Variants in CNBD1 observed in about 807,000 individuals in gnomAD.
The protein encoded by CNBD1 is cyclic nucleotide-binding domain-containing protein 1.
CNBD1 carries 71 observed loss-of-function variants against 54.4 expected under a neutral mutation model. The observed-to-expected ratio is 1.30, with a 90% CI of 1.08 to 1.59. The LOEUF (loss-of-function observed/expected upper bound fraction) is 1.59. CNBD1 is among the 40% of genes most tolerant of loss of function. The probability of loss-of-function intolerance (pLI) is 0.00; values close to 1 mark genes in which losing one functional copy is unlikely to be tolerated. For synonymous variants in CNBD1, 182 were observed against 170.7 expected (o/e 1.07, Z -0.51); for missense variants, 659 against 518.0 (o/e 1.27, Z -2.64).
At chr8:86,933,474 G>A (rs999427834) in intron 3 of CNBD1, among the ~76,000 whole-genome samples, 1 of 152,046 alleles carries the variant, frequency 6.6e-6, no homozygotes, top group Non-Finnish European at 1.5e-5. Context: ...AGAAAAGCAA[G>A]TTACAGAATC....
intron 2 of CNBD1, among the ~76,000 whole-genome samples, chr8:87,406,347 C>T (rs1807652184): frequency 6.6e-6 from 1 of 151,676 alleles, no homozygotes; most frequent in Non-Finnish European, 1.5e-5. Flanking sequence ...AGTAAGTTTG[C>T]ATTAACCACA....
At chr8:87,348,262 ATATT>A (rs1586035244) in intron 8 of CNBD1, among the ~76,000 whole-genome samples, 1 of 152,176 alleles carries the variant, frequency 6.6e-6, no homozygotes, top group African/African-American at 2.4e-5. Context: ...AATGCTATCT[ATATT>A]TATCTGCAAA....
Position 87,329,107 on chromosome 8 carries a change from T to C in CNBD1, c.1043-22578T>C, listed in dbSNP as rs146431160. Among the ~76,000 whole-genome samples the C allele has an allele frequency of 3.3e-5, 5 of 152,210 alleles. No homozygotes were observed. In the East Asian group the frequency reaches 9.6e-4, roughly 29 times the overall value. On this transcript the variant is annotated intron_variant, in intron 8 of 10. Coordinates refer to ENST00000518476, the MANE Select transcript of CNBD1 (RefSeq NM_173538.3). The stretch of plus-strand genomic sequence containing the variant: ...TTTGAGTTAATTTTTGTGAAAAGTA[T>C]ATGGTCTTTGTCTATATTCGCTCTT...
chr8:87,076,711 G>A (rs1810881365), intron 4 of CNBD1, among the ~76,000 whole-genome samples: 1 of 151,990 alleles, frequency 6.6e-6, no homozygotes, highest in Non-Finnish European at 1.5e-5. Context: ...CAAAGTGCTG[G>A]GATTACAGGC....
At chr8:87,256,007 ATATATATATTTTTTTTT>A (rs1808011718) in intron 6 of CNBD1, among the ~76,000 whole-genome samples, 1 of 19,800 alleles carries the variant, frequency 5.1e-5, no homozygotes, top group African/African-American at 2.7e-4. Flanking sequence ...ATATATATAT[ATATATATATTTTTTTTT>A]TTTTTTTTTT....
chr8:86,981,911 T>C (rs1447047719), intron 4 of CNBD1, among the ~76,000 whole-genome samples: 1 of 152,212 alleles, frequency 6.6e-6, no homozygotes, highest in African/African-American at 2.4e-5. Context: ...TTCACAGTTG[T>C]ACTCTGGGTT....
chr8:87,348,086 G>A (rs1325542460), intron 8 of CNBD1, among the ~76,000 whole-genome samples: 1 of 151,980 alleles, frequency 6.6e-6, no homozygotes, highest in East Asian at 1.9e-4. Context: ...CAAGTGACAG[G>A]TACTTAATAT....
At chr8:87,224,269 G>T (rs1304195074) in intron 5 of CNBD1, among the ~76,000 whole-genome samples, 1 of 149,788 alleles carries the variant, frequency 6.7e-6, no homozygotes, top group Non-Finnish European at 1.5e-5. Flanking sequence ...TGTCAATTTT[G>T]TCTTTTGTTG....
intron 8 of CNBD1, among the ~76,000 whole-genome samples, chr8:87,327,698 T>A (rs1809713343): frequency 6.6e-6 from 1 of 152,142 alleles, no homozygotes; most frequent in African/African-American, 2.4e-5. Context: ...CTGCGCCCAC[T>A]GTCTGGCACT....
chr8:86,871,800 C>G (rs1808446906), intron 1 of CNBD1, among the ~76,000 whole-genome samples: 1 of 152,220 alleles, frequency 6.6e-6, no homozygotes, highest in Admixed American at 6.5e-5. Context: ...GCATCCCACA[C>G]AGCCAGCCCT....
intron 8 of CNBD1, among the ~76,000 whole-genome samples, chr8:87,301,961 AC>A (rs1809006808): frequency 6.6e-6 from 1 of 152,168 alleles, no homozygotes; most frequent in Admixed American, 6.5e-5. Flanking sequence ...CTCTGAATAG[AC>A]CAATAACAGG....
chr8:87,391,617 A>G (rs1042149596), intron 2 of CNBD1, among the ~76,000 whole-genome samples: 1 of 152,066 alleles, frequency 6.6e-6, no homozygotes, highest in African/African-American at 2.4e-5. Flanking sequence ...TTTTCAACAA[A>G]TCATGCTGGG....
chr8:87,103,540 C>T (rs762061274), intron 4 of CNBD1, among the ~76,000 whole-genome samples: 6 of 152,112 alleles, frequency 3.9e-5, no homozygotes, highest in Admixed American at 1.3e-4. Context: ...CTTACAGTCA[C>T]GGCAGAAGGG....
At chr8:87,379,108 A>G (rs1811017949) in intron 10 of CNBD1, among the ~76,000 whole-genome samples, 1 of 151,650 alleles carries the variant, frequency 6.6e-6, no homozygotes, top group Admixed American at 6.6e-5. Flanking sequence ...AAACAGGGAC[A>G]ATTTGACTTC....
chr8:87,092,433 G>T (rs927374469), intron 4 of CNBD1, among the ~76,000 whole-genome samples: 5 of 143,434 alleles, frequency 3.5e-5, no homozygotes, highest in Non-Finnish European at 1.5e-5. Context: ...ATGTATGTAT[G>T]TGTGTGTGTA....
chr8:87,273,410 A>C (rs1249894987), intron 6 of CNBD1, among the ~76,000 whole-genome samples: 1 of 151,952 alleles, frequency 6.6e-6, no homozygotes, highest in Non-Finnish European at 1.5e-5. Flanking sequence ...CTGAACAGAA[A>C]AGGGAGACTG....
At chr8:86,882,778 C>A (rs1808623770) in intron 1 of CNBD1, among the ~76,000 whole-genome samples, 1 of 152,150 alleles carries the variant, frequency 6.6e-6, no homozygotes, top group African/African-American at 2.4e-5. Context: ...CCTAAATGCC[C>A]ATCAATGATA....
chr8:86,974,671 A>G (rs1302122793), intron 4 of CNBD1, among the ~76,000 whole-genome samples: 2 of 152,150 alleles, frequency 1.3e-5, no homozygotes, highest in Non-Finnish European at 2.9e-5. Context: ...AATAATGTGC[A>G]ACATGATTCC....
At chr8:87,416,898 A>G (rs1481267693) in intron 2 of CNBD1, among the ~76,000 whole-genome samples, 9 of 152,074 alleles carry the variant, frequency 5.9e-5, no homozygotes, top group African/African-American at 2.2e-4. Flanking sequence ...ATTCTGCACC[A>G]TGTAAAAAGG....
Sources: allele counts gnomAD v4.1 joint callset (sites outside exome capture counted in the v4.1 genomes callset), GRCh38; gene constraint gnomAD v4.1.1; transcripts MANE v1.5; gene names NCBI Gene and HGNC (gene_info 2026-07-23, HGNC 2026-07-21).